UHMK1: variants seen among roughly 807,000 people sequenced by gnomAD.
UHMK1 encodes the protein serine/threonine-protein kinase Kist.
UHMK1 carries 18 observed loss-of-function variants against 44.0 expected under a neutral mutation model. The ratio of observed to expected loss-of-function variants is 0.41; its 90% confidence interval spans 0.28 to 0.61. UHMK1 has a LOEUF of 0.61. Among genes scored for constraint, UHMK1 ranks in the 20% least tolerant of loss-of-function variants. The pLI, the probability that UHMK1 is intolerant of heterozygous loss-of-function variation, is 0.31. For synonymous variants in UHMK1, 231 were observed against 198.5 expected, an observed-to-expected ratio of 1.16 and a Z score of -1.38; for missense variants, 463 against 522.5, an observed-to-expected ratio of 0.89 and a Z score of 1.11.
intron 4 of UHMK1, among the ~76,000 whole-genome samples, chr1:162,511,065 C>A (rs1453256409): frequency 2.0e-5 from 3 of 151,968 alleles, no homozygotes; most frequent in Non-Finnish European, 4.4e-5. Context: ...TTCTCATATA[C>A]TGTTGGCTAT....
At chr1:162,521,056 A>G (rs911756513) in intron 7 of UHMK1, among the ~76,000 whole-genome samples, 3 of 152,204 alleles carry the variant, frequency 2.0e-5, no homozygotes, top group Non-Finnish European at 4.4e-5. Flanking sequence ...GGAATCACAG[A>G]TTTAATCTAT....
At chr1:162,516,628 A>G (rs988221494) in intron 6 of UHMK1, among the ~76,000 whole-genome samples, 3 of 152,176 alleles carry the variant, frequency 2.0e-5, no homozygotes, top group African/African-American at 4.8e-5. Flanking sequence ...CCTGACAAAA[A>G]TCACCCTAAG....
At chr1:162,501,181 T>TC (rs1367273332) in intron 3 of UHMK1, 77 bp downstream of exon 3, 21 of 1,436,622 alleles carry the variant, frequency 1.5e-5, no homozygotes, top group Admixed American at 2.3e-5. Flanking sequence ...ATTTTTTTTT[T>TC]TCTTTTGAGA....
At chr1:162,515,194 A>C (rs533017109) in intron 6 of UHMK1, among the ~76,000 whole-genome samples, 1 of 152,178 alleles carries the variant, frequency 6.6e-6, no homozygotes, top group East Asian at 1.9e-4. Flanking sequence ...TTTTCCTTTT[A>C]CTTTGTTTCT....
At chr1:162,509,724 C>T (rs1443377232) in intron 4 of UHMK1, among the ~76,000 whole-genome samples, 1 of 152,208 alleles carries the variant, frequency 6.6e-6, no homozygotes, top group Non-Finnish European at 1.5e-5. Flanking sequence ...TCACTGCAAC[C>T]TCCGCCTCCC....
chr1:162,507,712 G>A (rs534975644), intron 4 of UHMK1, among the ~76,000 whole-genome samples: 4 of 149,704 alleles, frequency 2.7e-5, no homozygotes, highest in African/African-American at 7.4e-5. Flanking sequence ...TCAGCCTCCC[G>A]AGTAGCTGGG....
intron 4 of UHMK1, among the ~76,000 whole-genome samples, chr1:162,504,479 C>T (rs1651397892): frequency 1.3e-5 from 2 of 152,154 alleles, no homozygotes; most frequent in African/African-American, 2.4e-5. Flanking sequence ...CAGTCTATTG[C>T]TCTTAGGCTA....
chr1:162,503,151 A>T (rs1197173980), intron 3 of UHMK1, among the ~76,000 whole-genome samples: 1 of 152,170 alleles, frequency 6.6e-6, no homozygotes, highest in African/African-American at 2.4e-5. Context: ...GTCACCTATT[A>T]TACATTCATT....
chr1:162,520,044 A>G (rs1651997679), intron 7 of UHMK1, among the ~76,000 whole-genome samples: 1 of 152,120 alleles, frequency 6.6e-6, no homozygotes, highest in African/African-American at 2.4e-5. Context: ...AACTACAAGC[A>G]CATGTGCCAC....
At position 162,528,347 on chromosome 1, in the gene UHMK1, TTC is replaced by T. The variant is rs1652319873; in HGVS notation, c.*5798_*5799del. On this transcript the variant is annotated 3_prime_UTR_variant, in exon 8 of 8. Transcript: ENST00000489294. Reference sequence around the variant, plus strand: ...ATGAGCTAAAAAATGATACTTAAAGTTCCAGGTTTGGTACCGCTAGCATAGAA... The same window carrying T: ...ATGAGCTAAAAAATGATACTTAAAGTCAGGTTTGGTACCGCTAGCATAGAA... The T allele has an allele frequency of 1.3e-5, 2 of 152,038 alleles. No homozygotes were observed. The highest frequency in any genetic ancestry group is 1.3e-4 in the Admixed American group (2 of 15,266). 9.4% of individuals were successfully genotyped at this position (152,038 alleles called of 1,614,324 possible). A position where few individuals can be genotyped will look rare whatever the true frequency, so the allele number is the denominator to read the frequency against.
intron 3 of UHMK1, among the ~76,000 whole-genome samples, chr1:162,502,814 C>T (rs1292971826): frequency 6.6e-6 from 1 of 152,126 alleles, no homozygotes; most frequent in Non-Finnish European, 1.5e-5. Context: ...GTTCACTAAG[C>T]CATAGTTTGC....
At chr1:162,517,940 T>C (rs59855113) in intron 6 of UHMK1, among the ~76,000 whole-genome samples, 162 bp from the exon 7 acceptor site, 15,653 of 152,222 alleles carry the variant, frequency 0.1, 1,028 homozygotes, top group East Asian at 0.23. Flanking sequence ...TGGAAGACTA[T>C]TATTTATAAT....
intron 3 of UHMK1, among the ~76,000 whole-genome samples, chr1:162,502,946 G>A (rs986153112): frequency 8.4e-6 from 1 of 119,038 alleles, no homozygotes; most frequent in Admixed American, 8.5e-5. Context: ...GATAATGATA[G>A]TATCTGTTCT....
intron 6 of UHMK1, chr1:162,513,030 G>A (rs3844250): frequency 0.47 from 213,957 of 456,090 alleles, 50,345 homozygotes; most frequent in East Asian, 0.51. Flanking sequence ...TCAGCTCACT[G>A]CAACCTCTGC....
In UHMK1 at chr1:162,503,948, A is replaced by G. The variant is rs969809168; in HGVS notation, c.848+100A>G. On this transcript the variant is annotated intron_variant, in intron 4 of 7. Coordinates refer to ENST00000489294, the MANE Select transcript of UHMK1 (RefSeq NM_175866.5). The stretch of plus-strand genomic sequence containing the variant: ...CAGATTTATATTATTATTTCTATGT[A>G]AGGAACATAAGTAATGAAATAGTTT... The G allele has an allele frequency of 4.7e-6, 4 of 850,084 alleles. No homozygotes were observed. In the African/African-American group the frequency reaches 6.9e-5, roughly 15 times the overall value. 52.7% of individuals were successfully genotyped at this position (850,084 alleles called of 1,614,324 possible). A position where few individuals can be genotyped will look rare whatever the true frequency, so the allele number is the denominator to read the frequency against.
intron 3 of UHMK1, 67 bp downstream of exon 3, chr1:162,501,171 A>T (rs891304195): frequency 1.4e-5 from 17 of 1,226,128 alleles, no homozygotes; most frequent in African/African-American, 1.6e-5. Context: ...ATTTATGATG[A>T]TTTTTTTTTT....
chr1:162,514,355 T>A (rs1651766852), intron 6 of UHMK1, among the ~76,000 whole-genome samples: 1 of 152,030 alleles, frequency 6.6e-6, no homozygotes, highest in Admixed American at 6.6e-5. Flanking sequence ...TTCTTTGCAG[T>A]TTTTTGCAAA....
At chr1:162,503,611 CAAAAAAAAAAAAA>C in intron 3 of UHMK1, 130 bp from the exon 4 acceptor site, 1 of 356,082 alleles carries the variant, frequency 2.8e-6, no homozygotes, top group East Asian at 4.6e-5. Flanking sequence ...ACCCTGTCTC[CAAAAAAAAAAAAA>C]AAAAAAAGAT....
chr1:162,515,122 C>G (rs559423793), intron 6 of UHMK1, among the ~76,000 whole-genome samples: 1 of 151,130 alleles, frequency 6.6e-6, no homozygotes, highest in African/African-American at 2.4e-5. Context: ...TTTATGTCCT[C>G]TTAATATTTA....
Sources: gnomAD v4.1 joint callset for allele counts (sites outside exome capture counted in the v4.1 genomes callset) on GRCh38, gnomAD v4.1.1 for gene constraint, MANE v1.5 for transcripts, NCBI Gene and HGNC (gene_info 2026-07-23, HGNC 2026-07-21) for gene names.